Variants in IGFL2 observed in about 807,000 individuals in gnomAD.
The protein encoded by IGFL2 is IGF like family member 2, also known as insulin growth factor-like family member 2.
In IGFL2, 7 loss-of-function variants were observed where a neutral mutation model predicts 13.9. The ratio of observed to expected loss-of-function variants is 0.51; its 90% CI spans 0.29 to 0.95. The LOEUF (loss-of-function observed/expected upper bound fraction) is 0.95. Ranked by LOEUF, IGFL2 falls within the 40% of genes least tolerant of loss-of-function variation. The pLI is 0.08. For missense variants in IGFL2, 138 were observed against 147.8 expected (o/e 0.93, Z 0.34); for synonymous variants, 55 against 55.8 (o/e 0.99, Z 0.07).
chr19:46,206,640 A>C, the IGFL2 span: 3 of 152,280 alleles, frequency 2.0e-5, no homozygotes, highest in African/African-American at 7.2e-5. Flanking sequence ...TCAGTCCAAA[A>C]GAAAGTTTAA....
the IGFL2 span, among the ~76,000 whole-genome samples, chr19:46,168,163 G>A: frequency 6.6e-6 from 1 of 152,088 alleles, no homozygotes; most frequent in African/African-American, 2.4e-5. Flanking sequence ...TCAAACTCCT[G>A]GCCTCAAATG....
chr19:46,093,389 A>G, the IGFL2 span, among the ~76,000 whole-genome samples: 1,660 of 152,338 alleles, frequency 0.011, 22 homozygotes, highest in African/African-American at 0.036. Context: ...AACTAGAAAT[A>G]TCAGGGACCT....
the IGFL2 span, chr19:46,124,731 G>C: frequency 1.3e-5 from 15 of 1,192,956 alleles, 1 homozygote; most frequent in East Asian, 1.2e-4. Context: ...GGGGTTGTCT[G>C]TTAACCTGGT....
chr19:46,209,923 T>C, the IGFL2 span: 1 of 151,868 alleles, frequency 6.6e-6, no homozygotes, highest in South Asian at 2.1e-4. Flanking sequence ...TGCCATTGAA[T>C]TGCACACTTG....
the IGFL2 span, among the ~76,000 whole-genome samples, chr19:46,098,444 G>A: frequency 6.7e-5 from 10 of 149,742 alleles, no homozygotes; most frequent in Non-Finnish European, 1.3e-4. Flanking sequence ...ACACCAATGG[G>A]TCTTGACTCT....
chr19:46,158,347 T>A (rs148308554), intron 1 of IGFL2, among the ~76,000 whole-genome samples: 2,600 of 152,142 alleles, frequency 0.017, 81 homozygotes, highest in African/African-American at 0.058. Flanking sequence ...TAGCTGGGAT[T>A]ACAGGTGCGC....
chr19:46,079,193 C>G, the IGFL2 span, among the ~76,000 whole-genome samples: 1 of 152,272 alleles, frequency 6.6e-6, no homozygotes, highest in Non-Finnish European at 1.5e-5. Context: ...GTCGCAGTAA[C>G]TGCCTTGGTG....
intron 1 of IGFL2, among the ~76,000 whole-genome samples, chr19:46,158,313 A>G (rs1973934629): frequency 6.6e-6 from 1 of 151,996 alleles, no homozygotes; most frequent in Non-Finnish European, 1.5e-5. Context: ...GGTTCAAGTG[A>G]TTCTCCTGCC....
At chr19:46,185,259 CTCT>C in the IGFL2 span, among the ~76,000 whole-genome samples, 2 of 152,308 alleles carry the variant, frequency 1.3e-5, no homozygotes, top group Admixed American at 1.3e-4. Context: ...CTCAGTTCCT[CTCT>C]TCTTCTCTGG....
chr19:46,078,738 C>T, the IGFL2 span, among the ~76,000 whole-genome samples: 1 of 152,254 alleles, frequency 6.6e-6, no homozygotes, highest in African/African-American at 2.4e-5. Flanking sequence ...AGCCGATATC[C>T]CAGTAGTCAA....
At chr19:46,132,916 C>T in the IGFL2 span, among the ~76,000 whole-genome samples, 19 of 151,968 alleles carry the variant, frequency 1.3e-4, no homozygotes, top group Non-Finnish European at 2.1e-4. Flanking sequence ...TATCTGTTCA[C>T]GTGACCCAAA....
the IGFL2 span, chr19:46,123,736 T>TTA: frequency 8.4e-6 from 7 of 838,078 alleles, 1 homozygote; most frequent in Non-Finnish European, 1.3e-5. Flanking sequence ...GACTTATAGC[T>TTA]TATCTGCTTC....
chr19:46,166,947 C>T, the IGFL2 span, among the ~76,000 whole-genome samples: 9 of 152,036 alleles, frequency 5.9e-5, no homozygotes. Flanking sequence ...TTGTAGTTAA[C>T]ACAATTATTA....
At chr19:46,154,600 C>T (rs1248482394) in intron 1 of IGFL2, among the ~76,000 whole-genome samples, 5 of 152,154 alleles carry the variant, frequency 3.3e-5, no homozygotes, top group South Asian at 2.1e-4. Flanking sequence ...CCCACCACCA[C>T]GCCTGGCTAA....
the IGFL2 span, chr19:46,190,389 G>A: frequency 2.0e-5 from 3 of 152,330 alleles, no homozygotes; most frequent in African/African-American, 7.2e-5. Flanking sequence ...AGGCTGGCCA[G>A]AGGGTGTTCA....
the IGFL2 span, among the ~76,000 whole-genome samples, chr19:46,126,310 A>G: frequency 1.3e-5 from 2 of 152,218 alleles, no homozygotes; most frequent in Non-Finnish European, 2.9e-5. Context: ...TTCTTACACA[A>G]CATCATTCTC....
At chr19:46,158,453 C>T (rs1044246603) in intron 1 of IGFL2, among the ~76,000 whole-genome samples, 7 of 151,866 alleles carry the variant, frequency 4.6e-5, no homozygotes, top group Non-Finnish European at 1.5e-5. Flanking sequence ...TCGTGATCCA[C>T]CCACCTTGGC....
the IGFL2 span, among the ~76,000 whole-genome samples, chr19:46,121,215 CA>C: frequency 2.1e-5 from 3 of 145,662 alleles, no homozygotes; most frequent in Non-Finnish European, 3.0e-5. Context: ...CTGTCTCTAC[CA>C]AAAAAAAACC....
chr19:46,118,564 A>T, the IGFL2 span, among the ~76,000 whole-genome samples: 7 of 152,308 alleles, frequency 4.6e-5, no homozygotes, highest in South Asian at 1.5e-3. Context: ...CTGCCCAAAG[A>T]TGTTGCTCCA....
Sources: gnomAD v4.1 joint callset for allele counts (sites outside exome capture counted in the v4.1 genomes callset) on GRCh38, gnomAD v4.1.1 for gene constraint, MANE v1.5 for transcripts, NCBI Gene and HGNC (gene_info 2026-07-23, HGNC 2026-07-21) for gene names.